NCOA2: variants seen among roughly 807,000 people sequenced by gnomAD.
NCOA2 encodes the protein class E basic helix-loop-helix protein 75.
A neutral mutation model predicts 145.1 loss-of-function variants in NCOA2; 21 were observed. That is an observed-to-expected ratio of 0.14 (90% CI 0.10 to 0.21). The LOEUF is 0.21. Ranked by LOEUF, NCOA2 falls within the 10% of genes least tolerant of loss-of-function variation. The pLI is 1.00. For missense variants in NCOA2, 1,472 were observed against 1,837.6 expected, an observed-to-expected ratio of 0.80 and a Z score of 3.64; for synonymous variants, 619 against 637.5, an observed-to-expected ratio of 0.97 and a Z score of 0.44.
At chr8:70,136,830 C>T (rs1199986240) in intron 15 of NCOA2, among the ~76,000 whole-genome samples, 2 of 152,164 alleles carry the variant, frequency 1.3e-5, no homozygotes, top group Non-Finnish European at 2.9e-5. Flanking sequence ...TTTTCTATGA[C>T]AGTAAGATTA....
At chr8:70,391,863 G>A (rs1243223941) in intron 1 of NCOA2, among the ~76,000 whole-genome samples, 1 of 152,178 alleles carries the variant, frequency 6.6e-6, no homozygotes, top group Admixed American at 6.5e-5. Context: ...GATATTAGAT[G>A]ATATTAGTTC....
intron 4 of NCOA2, among the ~76,000 whole-genome samples, chr8:70,188,934 G>C (rs1816368557): frequency 6.6e-6 from 1 of 151,872 alleles, no homozygotes; most frequent in South Asian, 2.1e-4. Context: ...AATTTCTTCA[G>C]TTATCAATGA....
chr8:70,212,066 CATATATATATAT>C (rs36215324), intron 4 of NCOA2, among the ~76,000 whole-genome samples: 81,956 of 144,256 alleles, frequency 0.57, 23,765 homozygotes, highest in Admixed American at 0.68. Context: ...CTTTGTGGCG[CATATATATATAT>C]ATATATATAT....
At chr8:70,381,687 C>T (rs10957519) in intron 1 of NCOA2, among the ~76,000 whole-genome samples, 15,905 of 152,044 alleles carry the variant, frequency 0.1, 1,273 homozygotes, top group East Asian at 0.41. Context: ...AAGACTAAAC[C>T]TGAGATAATG....
intron 18 of NCOA2, among the ~76,000 whole-genome samples, chr8:70,128,016 G>A (rs778359501): frequency 8.5e-5 from 13 of 152,182 alleles, no homozygotes; most frequent in Admixed American, 2.0e-4. Context: ...GAGAAAACAG[G>A]TGTGCTAGAT....
chr8:70,328,227 A>C (rs2136255230), intron 1 of NCOA2, among the ~76,000 whole-genome samples: 1 of 152,338 alleles, frequency 6.6e-6, no homozygotes, highest in African/African-American at 2.4e-5. Context: ...AATAGCTATG[A>C]GATTATGTAA....
In NCOA2 at chr8:70,214,086, GA is replaced by G. The variant is rs1293898895; in HGVS notation, c.87-12del. 1 of 1,587,096 alleles carries G rather than the reference GA, an allele frequency of 6.3e-7. No homozygotes were observed. Among genetic ancestry groups the G allele is most frequent in the East Asian group, 2.2e-5 (1 of 44,662 alleles). On this transcript the variant is annotated splice_polypyrimidine_tract_variant and intron_variant, in intron 3 of 22. Transcript: ENST00000452400. ...GTGTTCCTTTTGGGGCTTAAAAGAAGAAACACATTTTTATGATGTATTTGAA... is the reference window on the plus strand; with the variant it reads ...GTGTTCCTTTTGGGGCTTAAAAGAAGAACACATTTTTATGATGTATTTGAA...
At chr8:70,117,171 G>A (rs893605491) in intron 22 of NCOA2, among the ~76,000 whole-genome samples, 6 of 152,236 alleles carry the variant, frequency 3.9e-5, no homozygotes, top group Admixed American at 6.5e-5. Flanking sequence ...CCAGCCTGCC[G>A]TGTGGCCCGC....
intron 1 of NCOA2, among the ~76,000 whole-genome samples, chr8:70,336,980 T>C (rs1490222519): frequency 1.3e-5 from 2 of 152,002 alleles, no homozygotes; most frequent in Non-Finnish European, 2.9e-5. Flanking sequence ...AAAGTCATCT[T>C]CCAAAATAGC....
chr8:70,400,929 C>T (rs1368283269), intron 1 of NCOA2, among the ~76,000 whole-genome samples: 3 of 152,082 alleles, frequency 2.0e-5, no homozygotes, highest in African/African-American at 7.2e-5. Context: ...GAAAACACTC[C>T]CAAAATTAAA....
chr8:70,426,935 G>C, the NCOA2 span, among the ~76,000 whole-genome samples: 3 of 152,086 alleles, frequency 2.0e-5, no homozygotes, highest in Admixed American at 2.0e-4. Flanking sequence ...TGGTATTACA[G>C]GTGTGTGCCA....
chr8:70,269,099 T>C (rs1247387747), intron 2 of NCOA2, among the ~76,000 whole-genome samples: 1 of 152,172 alleles, frequency 6.6e-6, no homozygotes, highest in Non-Finnish European at 1.5e-5. Context: ...TTCCAAGAAT[T>C]TTATATCAAA....
At chr8:70,232,945 G>A (rs373130258) in intron 2 of NCOA2, among the ~76,000 whole-genome samples, 2 of 150,362 alleles carry the variant, frequency 1.3e-5, no homozygotes, top group Admixed American at 6.6e-5. Context: ...AATACATGTC[G>A]GCCAGGCGCG....
chr8:70,418,986 A>G, the NCOA2 span, among the ~76,000 whole-genome samples: 1 of 152,148 alleles, frequency 6.6e-6, no homozygotes, highest in African/African-American at 2.4e-5. Flanking sequence ...TGCTCTATTC[A>G]GTATGCTTCC....
At position 70,347,329 on chromosome 8, in the gene NCOA2, A is replaced by G. The variant is rs372027191; in HGVS notation, c.-76-50529T>C. ...GTGAAACCCTGTCTCTACTAAAAAT[A>G]CAAAAATTAGCCAGGCTTGGTGGCG... On this transcript the variant is annotated intron_variant, in intron 1 of 22. Transcript: ENST00000452400. 1.8e-3 allele frequency among the ~76,000 whole-genome samples: 277 copies of G among 152,156 alleles called. 1 individual carries two copies. The highest frequency in any genetic ancestry group is 6.5e-3 in the African/African-American group (269 of 41,514).
intron 1 of NCOA2, among the ~76,000 whole-genome samples, chr8:70,360,925 G>C (rs1810139186): frequency 7.0e-6 from 1 of 142,096 alleles, no homozygotes; most frequent in South Asian, 2.3e-4. Flanking sequence ...GTGACAGAGT[G>C]AGTGGAGATT....
chr8:70,128,946 T>C lies in NCOA2; in HGVS notation c.3359A>G (p.Gln1120Arg). The C allele has an allele frequency of 6.2e-7, 1 of 1,608,776 alleles. No homozygotes were observed. Among genetic ancestry groups the C allele is most frequent in the Non-Finnish European group, 8.5e-7 (1 of 1,177,250 alleles). The part of the protein sequence containing the change: ...QAVDPEQFSS[Q>R]DSNIMLEQKA... The stretch of plus-strand genomic sequence containing the variant: ...CTGCTCCAGCATGATGTTGGAATCC[T>C]GACTTGAGAACTGTTCTGGATCTAC... Residue 1120 changes from glutamine (Q) to arginine (R), a missense_variant, in exon 17 of 23, where the codon CAG becomes CGG. Around this residue, in one of 4 missense-constraint regions of NCOA2, gnomAD observed 953 missense variants for 1,062.1 expected, o/e 0.90. Transcript: ENST00000452400.
intron 1 of NCOA2, among the ~76,000 whole-genome samples, chr8:70,392,045 CATTT>C (rs1396367796): frequency 6.6e-6 from 1 of 152,192 alleles, no homozygotes; most frequent in Non-Finnish European, 1.5e-5. Flanking sequence ...AAATTAAAAA[CATTT>C]ATAGCAAAAT....
chr8:70,117,170 C>T (rs1052701244), intron 22 of NCOA2, among the ~76,000 whole-genome samples: 3 of 152,262 alleles, frequency 2.0e-5, no homozygotes, highest in Non-Finnish European at 4.4e-5. Context: ...GCCAGCCTGC[C>T]GTGTGGCCCG....
Sources: gnomAD v4.1 joint callset for allele counts (sites outside exome capture counted in the v4.1 genomes callset) on GRCh38, gnomAD v4.1.1 for gene constraint, gnomAD v4.1.1 regional missense constraint, MANE v1.5 for transcripts, NCBI Gene and HGNC (gene_info 2026-07-23, HGNC 2026-07-21) for gene names.